MITF: variants seen among roughly 807,000 people sequenced by gnomAD.
The protein encoded by MITF is melanocyte inducing transcription factor, also known as microphthalmia-associated transcription factor.
A neutral mutation model predicts 60.5 loss-of-function variants in MITF; 17 were observed. The observed-to-expected ratio is 0.28, with a 90% CI of 0.19 to 0.42. The LOEUF is 0.42. MITF is among the 10% of genes least tolerant of loss of function. MITF has a pLI of 1.00. For missense variants in MITF, 622 were observed against 683.5 expected, an observed-to-expected ratio of 0.91 and a Z score of 1.00; for synonymous variants, 260 against 248.5, an observed-to-expected ratio of 1.05 and a Z score of -0.43.
chr3:69,914,745 TTAAAA>T (rs2065298342), intron 2 of MITF, among the ~76,000 whole-genome samples: 1 of 152,136 alleles, frequency 6.6e-6, no homozygotes, highest in Non-Finnish European at 1.5e-5. Flanking sequence ...TGCCTGGTTG[TTAAAA>T]TAGGAGATTA....
intron 1 of MITF, among the ~76,000 whole-genome samples, chr3:69,836,538 A>G (rs996146519): frequency 1.3e-5 from 2 of 152,238 alleles, no homozygotes; most frequent in African/African-American, 4.8e-5. Context: ...TGAATGAACA[A>G]GAGAGTGAAT....
chr3:69,767,819 A>T (rs777547582), intron 1 of MITF, among the ~76,000 whole-genome samples: 3 of 152,144 alleles, frequency 2.0e-5, no homozygotes, highest in Non-Finnish European at 2.9e-5. Flanking sequence ...GGCTGGTGTC[A>T]CAGAGGCCAG....
chr3:69,917,994 T>C (rs2065375876), intron 2 of MITF, among the ~76,000 whole-genome samples: 1 of 152,178 alleles, frequency 6.6e-6, no homozygotes, highest in Non-Finnish European at 1.5e-5. Flanking sequence ...GATTGTTATA[T>C]GTTGTTCCTT....
chr3:69,846,250 CAATGAGAGTAA>C (rs1294075963), intron 1 of MITF, among the ~76,000 whole-genome samples: 2 of 142,170 alleles, frequency 1.4e-5, no homozygotes, highest in Non-Finnish European at 3.2e-5. Context: ...CAAGGGGCAG[CAATGAGAGTAA>C]AATCCTGAAG....
intron 1 of MITF, among the ~76,000 whole-genome samples, chr3:69,874,394 A>T (rs914510300): frequency 6.6e-6 from 1 of 152,240 alleles, no homozygotes; most frequent in South Asian, 2.1e-4. Flanking sequence ...AAGAAGAAGC[A>T]TGCTCATGGT....
At chr3:69,829,460 T>C (rs2063410358) in intron 1 of MITF, among the ~76,000 whole-genome samples, 1 of 152,248 alleles carries the variant, frequency 6.6e-6, no homozygotes, top group African/African-American at 2.4e-5. Flanking sequence ...ACTGTGACTT[T>C]TGATCCACTT....
intron 1 of MITF, among the ~76,000 whole-genome samples, chr3:69,876,188 C>T (rs2064349746): frequency 6.6e-6 from 1 of 152,096 alleles, no homozygotes. Context: ...CTTAAGAATG[C>T]TTTACTGTTA....
intron 3 of MITF, chr3:69,938,300 A>G: frequency 1.3e-6 from 2 of 1,501,486 alleles, no homozygotes; most frequent in Non-Finnish European, 1.8e-6. Flanking sequence ...CACTTTTGCC[A>G]CTTGCTTCTT....
At chr3:69,945,868 C>T (rs886235166) in intron 5 of MITF, among the ~76,000 whole-genome samples, 18 of 152,182 alleles carry the variant, frequency 1.2e-4, no homozygotes, top group African/African-American at 4.3e-4. Context: ...GAATGCCTGA[C>T]TTGGAATAAT....
At chr3:69,739,818 C>T (rs768535089) in intron 1 of MITF, 117 bp downstream of exon 1, 4 of 757,074 alleles carry the variant, frequency 5.3e-6, no homozygotes, top group East Asian at 2.8e-5. Context: ...AGTGCCCTTG[C>T]CCCGGAGCAG....
intron 2 of MITF, among the ~76,000 whole-genome samples, chr3:69,918,960 A>G (rs1433751735): frequency 6.6e-6 from 1 of 152,188 alleles, no homozygotes; most frequent in Non-Finnish European, 1.5e-5. Flanking sequence ...TGCATTATTT[A>G]GCCTTTTGTT....
intron 2 of MITF, among the ~76,000 whole-genome samples, chr3:69,935,341 G>T (rs2065808765): frequency 6.6e-6 from 1 of 152,246 alleles, no homozygotes; most frequent in Middle Eastern, 3.4e-3. Context: ...CTTTACTAAA[G>T]CATAATATTC....
At chr3:69,799,748 T>C (rs2062887234) in intron 1 of MITF, among the ~76,000 whole-genome samples, 1 of 152,174 alleles carries the variant, frequency 6.6e-6, no homozygotes. Flanking sequence ...TAGGGTAAAC[T>C]GTTTCTCATT....
In MITF at chr3:69,835,212, G is replaced by T. The variant is rs1260071142; in HGVS notation, c.105-43922G>T. Among the ~76,000 whole-genome samples, 3 of 151,828 alleles carry T rather than the reference G, an allele frequency of 2.0e-5. No individual in the cohort carries two copies. The East Asian group carries it at 5.8e-4, about 29-fold the overall frequency. On this transcript the variant is annotated intron_variant, in intron 1 of 9. Coordinates refer to ENST00000352241, the MANE Select transcript of MITF (RefSeq NM_001354604.2). ...TTTGTAGTTTTTGTAGAGACCGGGT[G>T]TTGCCACGTTGCCGAGACTGGTCTC...
intron 1 of MITF, among the ~76,000 whole-genome samples, chr3:69,785,394 C>T (rs1265279611): frequency 1.3e-5 from 2 of 152,134 alleles, no homozygotes; most frequent in African/African-American, 2.4e-5. Context: ...CAGAACAATC[C>T]CATGAGCTCG....
At chr3:69,836,268 A>G (rs2063539249) in intron 1 of MITF, among the ~76,000 whole-genome samples, 1 of 152,122 alleles carries the variant, frequency 6.6e-6, no homozygotes, top group Non-Finnish European at 1.5e-5. Flanking sequence ...TTTATTTTTC[A>G]GGTAGATCAC....
intron 1 of MITF, among the ~76,000 whole-genome samples, chr3:69,762,185 G>T (rs1047683596): frequency 5.9e-5 from 9 of 152,158 alleles, no homozygotes; most frequent in African/African-American, 2.2e-4. Context: ...TCAATAAAAG[G>T]ATATAATGAT....
At chr3:69,860,467 G>A (rs1270299236) in intron 1 of MITF, among the ~76,000 whole-genome samples, 2 of 151,868 alleles carry the variant, frequency 1.3e-5, no homozygotes, top group Admixed American at 6.6e-5. Context: ...GCGCAGTGGC[G>A]GGCGCCTGTA....
intron 1 of MITF, chr3:69,763,876 C>T (rs2062248488): frequency 7.3e-7 from 1 of 1,378,414 alleles, no homozygotes; most frequent in Non-Finnish European, 9.7e-7. Flanking sequence ...GTGGTTTTCC[C>T]ACGAGCTATT....
Sources: gnomAD v4.1 joint callset for allele counts (sites outside exome capture counted in the v4.1 genomes callset) on GRCh38, gnomAD v4.1.1 for gene constraint, MANE v1.5 for transcripts, NCBI Gene and HGNC (gene_info 2026-07-23, HGNC 2026-07-21) for gene names.